Variants in SNED1 observed in about 807,000 individuals in gnomAD.
The protein encoded by SNED1 is sushi, nidogen and EGF like domains 1, also known as sushi, nidogen and EGF-like domain-containing protein 1.
SNED1 carries 81 observed loss-of-function variants against 166.7 expected under a neutral mutation model. The observed-to-expected ratio is 0.49, with a 90% CI of 0.41 to 0.58. The LOEUF (loss-of-function observed/expected upper bound fraction) is 0.58, where lower values mean the gene tolerates loss of function less well. Among genes scored for constraint, SNED1 ranks in the 20% least tolerant of loss-of-function variants. The pLI is 0.00. For synonymous variants in SNED1, 762 were observed against 822.0 expected (o/e 0.93, Z 1.25); for missense variants, 1,604 against 2,000.2 (o/e 0.80, Z 3.78).
chr2:241,093,449 T>A lies in SNED1; in HGVS notation c.*1813T>A, dbSNP rs1430202289. 1.2e-3 allele frequency: 165 copies of A among 140,284 alleles called. No individual in the cohort carries two copies. The highest frequency in any genetic ancestry group is 1.6e-3 in the Non-Finnish European group (110 of 67,478). 8.7% of individuals were successfully genotyped at this position (140,284 alleles called of 1,614,324 possible). The stretch of plus-strand genomic sequence containing the variant: ...AGCAAATGCTAATATGCTCCAGTGT[T>A]AGCTTAGAAGCCTTGTGTCAACAAG... On this transcript the variant is annotated 3_prime_UTR_variant, in exon 32 of 32. Coordinates refer to ENST00000310397, the MANE Select transcript of SNED1 (RefSeq NM_001080437.3).
Position 241,069,041 on chromosome 2 carries a change from GC to G in SNED1, c.3307+23del. The stretch of plus-strand genomic sequence containing the variant: ...GTGGACCCGTGAGTAGAGCAGCGCG[GC>G]CCCCGGCACACGAAAGGCCGTCTTC... On this transcript the variant is annotated intron_variant, in intron 23 of 31. Coordinates refer to ENST00000310397, the MANE Select transcript of SNED1 (RefSeq NM_001080437.3). This position sits in a 1 kb window ranked among gnomAD's most constrained non-coding sequence, Gnocchi z 4.9. The G allele has an allele frequency of 5.9e-6, 9 of 1,516,882 alleles. No individual in the cohort carries two copies. Among genetic ancestry groups the G allele is most frequent in the African/African-American group, 1.4e-5 (1 of 72,292 alleles). 94.0% of individuals were successfully genotyped at this position (1,516,882 alleles called of 1,614,324 possible). A position where few individuals can be genotyped will look rare whatever the true frequency, so the allele number is the denominator to read the frequency against.
intron 1 of SNED1, among the ~76,000 whole-genome samples, chr2:241,014,844 G>A (rs1373935000): frequency 6.6e-6 from 1 of 152,030 alleles, no homozygotes; most frequent in Non-Finnish European, 1.5e-5. Context: ...CTTCTCTTGG[G>A]GCCCGAGGTA....
rs902369034 is a variant in SNED1, at chr2:241,073,723, A to C, written c.3916+359A>C. 2.6e-5 allele frequency: 11 copies of C among 418,116 alleles called. No homozygotes were observed. In the East Asian group the frequency reaches 3.6e-4, roughly 14 times the overall value. The allele number at this position is 418,116 out of a possible 1,614,324, so 25.9% of individuals were successfully genotyped here. A position where few individuals can be genotyped will look rare whatever the true frequency, so the allele number is the denominator to read the frequency against. Reference sequence around the variant, plus strand: ...GGGCCCCTCACCCCTCACTTCTCCAAAGAGGAGCAGGCGGAGTCAGGATGG... The same window carrying C: ...GGGCCCCTCACCCCTCACTTCTCCACAGAGGAGCAGGCGGAGTCAGGATGG... On this transcript the variant is annotated intron_variant, in intron 27 of 31. Transcript: ENST00000310397. The surrounding 1 kb of genome is among the most constrained non-coding windows in gnomAD (Gnocchi z 6.6).
In SNED1 at chr2:241,065,512, A is replaced by T. The variant is rs148738538; in HGVS notation, c.2927A>T (p.Tyr976Phe). Residue 976 changes from tyrosine to phenylalanine, a missense_variant, in exon 21 of 32, where the codon TAC becomes TTC. By Grantham distance (22) the Tyr-to-Phe change is conservative. Coordinates refer to ENST00000310397, the MANE Select transcript of SNED1 (RefSeq NM_001080437.3). ...QLQALAAGRA[Y>F]NISVFSVKRN... ...CAGGCCCTGGCGGCCGGCAGGGCCT[A>T]CAACATCTCCGTCTTCTCAGTGAAG... The T allele has an allele frequency of 6.2e-7, 1 of 1,612,928 alleles. No individual in the cohort carries two copies. Among genetic ancestry groups the T allele is most frequent in the African/African-American group, 1.3e-5 (1 of 75,062 alleles).
At position 241,073,364 on chromosome 2, in the gene SNED1, A is replaced by T; in HGVS notation, c.3916A>T (p.Asn1306Tyr). ...TGAACACGGCAGCAAGGACATCGGA[A>T]GTGAGTCAGCAGCGCTGGTGGGGAC... ...LPEHGSKDIG[N>Y]VPGNCSENPC... The change falls in exon 27 of 32, where the codon AAC becomes TAC. Residue 1306 changes from asparagine (N) to tyrosine (Y), a missense_variant and splice_region_variant. Transcript: ENST00000310397. This position sits in a 1 kb window ranked among gnomAD's most constrained non-coding sequence, Gnocchi z 6.6. 6.4e-7 allele frequency: 1 copy of T among 1,565,482 alleles called. No homozygotes were observed. Among genetic ancestry groups the T allele is most frequent in the Non-Finnish European group, 8.7e-7 (1 of 1,155,934 alleles).
chr2:241,079,081 T>C (rs2063194591), intron 27 of SNED1, among the ~76,000 whole-genome samples: 1 of 124,562 alleles, frequency 8.0e-6, no homozygotes, highest in African/African-American at 3.2e-5. Flanking sequence ...ACCATTGCAC[T>C]CCAGCCTGGG....
intron 8 of SNED1, 150 bp from the exon 9 acceptor site, chr2:241,048,165 A>C (rs2125082700): frequency 1.0e-6 from 1 of 954,310 alleles, no homozygotes; most frequent in East Asian, 2.7e-5. Flanking sequence ...CGCAGCTACA[A>C]ATCCATTTCC....
intron 12 of SNED1, among the ~76,000 whole-genome samples, chr2:241,050,825 C>A (rs923151114): frequency 5.4e-5 from 8 of 146,914 alleles, no homozygotes; most frequent in African/African-American, 1.8e-4. Context: ...TCCACTGTAC[C>A]CAAGGTGGGG....
Position 241,047,879 on chromosome 2 carries a change from G to T in SNED1, c.1274-436G>T, listed in dbSNP as rs752912957. Among the ~76,000 whole-genome samples the T allele has an allele frequency of 2.6e-5, 4 of 151,854 alleles. No homozygotes were observed. In the East Asian group the frequency reaches 5.8e-4, roughly 22 times the overall value. On this transcript the variant is annotated intron_variant, in intron 8 of 31. Transcript: ENST00000310397. ...CCGGGTGGCTTCTCTGGTGCTTCTT[G>T]TTCTGTCCAATCCTGGGTGGTCTCT...
chr2:241,081,323 G>A lies in SNED1; in HGVS notation c.3917-354G>A, dbSNP rs546758564. ...GTGTTCAGGGGCAAAGCCAGCAAGGGTCGGGGTGGGGAGGGGCCACAGGCC... is the reference window on the plus strand; with the variant it reads ...GTGTTCAGGGGCAAAGCCAGCAAGGATCGGGGTGGGGAGGGGCCACAGGCC... On this transcript the variant is annotated intron_variant, in intron 27 of 31. Coordinates refer to ENST00000310397, the MANE Select transcript of SNED1 (RefSeq NM_001080437.3). 3.3e-5 allele frequency among the ~76,000 whole-genome samples: 5 copies of A among 152,134 alleles called. No homozygotes were observed. In the South Asian group the frequency reaches 8.3e-4, roughly 25 times the overall value.
At chr2:241,010,041 T>A (rs1003460217) in intron 1 of SNED1, 1 of 152,274 alleles carries the variant, frequency 6.6e-6, no homozygotes, top group East Asian at 1.9e-4. Flanking sequence ...ATAAAAGACA[T>A]GCCTGCATTT....
rs116570431 is a variant in SNED1 at position 241,061,092 on chromosome 2, A to T, written c.2258-1699A>T. On this transcript the variant is annotated intron_variant, in intron 16 of 31. Transcript: ENST00000310397. Reference sequence around the variant, plus strand: ...TGAAAATTAGAACCTAAATCCATAAACCTTAAGAAAGTGAAATCTAAACTA... The same window carrying T: ...TGAAAATTAGAACCTAAATCCATAATCCTTAAGAAAGTGAAATCTAAACTA... Among the ~76,000 whole-genome samples, 199 of 152,312 alleles carry T rather than the reference A, an allele frequency of 1.3e-3. 2 individuals carry two copies. The highest frequency in any genetic ancestry group is 4.5e-3 in the African/African-American group (189 of 41,574).
At chr2:241,063,972 C>T (rs1239680862) in intron 18 of SNED1, 40 bp from the exon 19 acceptor site, 1 of 1,428,200 alleles carries the variant, frequency 7.0e-7, no homozygotes, top group South Asian at 1.2e-5. Context: ...CCCCAGACTC[C>T]CCCCTTGCAG....
intron 27 of SNED1, among the ~76,000 whole-genome samples, chr2:241,078,923 G>C (rs1202942826): frequency 6.6e-6 from 1 of 151,108 alleles, no homozygotes; most frequent in African/African-American, 2.4e-5. Flanking sequence ...AGACCAGCCT[G>C]GCCAACATAG....
intron 30 of SNED1, chr2:241,087,853 G>A (rs372676709): frequency 2.1e-6 from 1 of 487,122 alleles, no homozygotes; most frequent in Non-Finnish European, 3.3e-6. Context: ...TTCCACAAAG[G>A]GTTCAAGGTA....
chr2:241,067,137 A>T (rs1031567816), intron 21 of SNED1, among the ~76,000 whole-genome samples: 3 of 152,134 alleles, frequency 2.0e-5, no homozygotes. Flanking sequence ...CCCGCTGCAG[A>T]GTTGGGGCTC....
At chr2:241,057,987 C>A (rs1296755830) in intron 16 of SNED1, among the ~76,000 whole-genome samples, 1 of 152,014 alleles carries the variant, frequency 6.6e-6, no homozygotes, top group East Asian at 1.9e-4. Context: ...AGAAAAAATA[C>A]AAATATGAAT....
At position 241,040,152 on chromosome 2, in the gene SNED1, T is replaced by C; in HGVS notation, c.1123T>C (p.Cys375Arg). 1 of 1,602,026 alleles carries C rather than the reference T, an allele frequency of 6.2e-7. No individual in the cohort carries two copies. Among genetic ancestry groups the C allele is most frequent in the Non-Finnish European group, 8.5e-7 (1 of 1,174,422 alleles). The stretch of plus-strand genomic sequence containing the variant: ...GGAGAATGGCTCTGCGGTGTGTGTG[T>C]GCCAGGCCGGATACACCGGAGCAGC... ...QVENGSAVCV[C>R]QAGYTGAACE... is the part of the protein sequence containing the mutation. Residue 375 changes from cysteine to arginine, a missense_variant, in exon 7 of 32, where the codon TGC becomes CGC. Physicochemically the swap from Cys to Arg is radical, Grantham distance 180 (BLOSUM62 -3). Coordinates refer to ENST00000310397, the MANE Select transcript of SNED1 (RefSeq NM_001080437.3).
In SNED1 at chr2:241,065,201, C is replaced by T. The variant is rs2062388819; in HGVS notation, c.2714-98C>T. 3.1e-6 allele frequency: 4 copies of T among 1,284,172 alleles called. No homozygotes were observed. In the South Asian group the frequency reaches 5.5e-5, roughly 18 times the overall value. 79.5% of individuals were successfully genotyped at this position (1,284,172 alleles called of 1,614,324 possible). Reference sequence around the variant, plus strand: ...CTCTGCCAGCGATGGCTGTGTCAGGCCCAAGAGCCAGACCCGGCTGAGCCG... The same window carrying T: ...CTCTGCCAGCGATGGCTGTGTCAGGTCCAAGAGCCAGACCCGGCTGAGCCG... On this transcript the variant is annotated intron_variant, in intron 20 of 31. Coordinates refer to ENST00000310397, the MANE Select transcript of SNED1 (RefSeq NM_001080437.3).
Sources: gnomAD v4.1 joint callset for allele counts (sites outside exome capture counted in the v4.1 genomes callset) on GRCh38, gnomAD v4.1.1 for gene constraint, Gnocchi (gnomAD v3.1) non-coding constraint, MANE v1.5 for transcripts, NCBI Gene and HGNC (gene_info 2026-07-23, HGNC 2026-07-21) for gene names.